The following RSU1 variants were observed in gnomAD, a reference collection of about 807,000 sequenced individuals.
RSU1 encodes the protein Ras suppressor protein 1.
In RSU1, 26 loss-of-function variants were observed where a neutral mutation model predicts 31.1. The observed-to-expected ratio is 0.84, with a 90% CI of 0.61 to 1.16. The LOEUF is 1.16. Among genes scored for constraint, RSU1 ranks in the 50% most tolerant of loss-of-function variants. The pLI is 0.00. For missense variants in RSU1, 320 were observed against 339.1 expected, an observed-to-expected ratio of 0.94 and a Z score of 0.44; for synonymous variants, 164 against 136.3, an observed-to-expected ratio of 1.20 and a Z score of -1.41.
At chr10:16,765,943 G>C (rs1269003512) in intron 3 of RSU1, among the ~76,000 whole-genome samples, 1 of 152,178 alleles carries the variant, frequency 6.6e-6, no homozygotes, top group African/African-American at 2.4e-5. Context: ...AAATATTTAA[G>C]CAGCTAGCCA....
intron 8 of RSU1, among the ~76,000 whole-genome samples, chr10:16,661,726 G>C (rs921827910): frequency 6.6e-6 from 1 of 152,154 alleles, no homozygotes; most frequent in Non-Finnish European, 1.5e-5. Context: ...TTGTGAAAGA[G>C]TTTCGTCCTC....
rs371190541 is a variant in RSU1 at position 16,691,379 on chromosome 10, G to GT, written c.731+3643dup. ...AACACAATAGCGGCATTTTTGTGCA[G>GT]TTTTTTTTTTTTTTTTAATGATTAA... On this transcript the variant is annotated intron_variant, in intron 8 of 8. Transcript: ENST00000345264. Among the ~76,000 whole-genome samples, 1,298 of 133,734 alleles carry GT rather than the reference G, an allele frequency of 9.7e-3. 8 individuals are homozygous for GT. The highest frequency in any genetic ancestry group is 0.02 in the African/African-American group (701 of 35,702). The allele number at this position is 133,734 out of a possible 152,430, so 87.7% of individuals were successfully genotyped here. A position where few individuals can be genotyped will look rare whatever the true frequency, so the allele number is the denominator to read the frequency against.
chr10:16,789,753 C>G (rs1012125376), intron 2 of RSU1, among the ~76,000 whole-genome samples: 5 of 152,214 alleles, frequency 3.3e-5, no homozygotes, highest in Admixed American at 3.3e-4. Context: ...TCTTCTAATG[C>G]TCCTGCTAAC....
At chr10:16,608,559 A>T (rs1833842056) in intron 8 of RSU1, among the ~76,000 whole-genome samples, 1 of 152,156 alleles carries the variant, frequency 6.6e-6, no homozygotes, top group Admixed American at 6.5e-5. Context: ...GTTCTCTTTG[A>T]AGTGGCAAAT....
Position 16,593,102 on chromosome 10 carries a change from T to C in RSU1, c.*292A>G, listed in dbSNP as rs1358883031. On this transcript the variant is annotated 3_prime_UTR_variant, in exon 9 of 9. Coordinates refer to ENST00000345264, the MANE Select transcript of RSU1 (RefSeq NM_012425.4). ...TTTGATAATAAGCAACCTTGTGATA[T>C]CTATTCAAGAAAAGCCAGAGCCCAC... is the stretch of plus-strand genomic sequence containing the variant. 1 of 284,312 alleles carries C rather than the reference T, an allele frequency of 3.5e-6. No individual in the cohort carries two copies. Among genetic ancestry groups the C allele is most frequent in the Non-Finnish European group, 6.5e-6 (1 of 153,936 alleles). 17.6% of individuals were successfully genotyped at this position (284,312 alleles called of 1,614,324 possible). A position where few individuals can be genotyped will look rare whatever the true frequency, so the allele number is the denominator to read the frequency against.
chr10:16,599,470 C>A (rs1188904559), intron 8 of RSU1, among the ~76,000 whole-genome samples: 1 of 152,174 alleles, frequency 6.6e-6, no homozygotes, highest in East Asian at 1.9e-4. Flanking sequence ...ACATCCTGCA[C>A]CAGGGATTCC....
intron 8 of RSU1, among the ~76,000 whole-genome samples, chr10:16,678,875 C>A (rs1202204023): frequency 6.6e-6 from 1 of 151,914 alleles, no homozygotes; most frequent in Non-Finnish European, 1.5e-5. Flanking sequence ...ATTCCACATG[C>A]CCCATGGACT....
intron 2 of RSU1, among the ~76,000 whole-genome samples, chr10:16,792,923 A>G (rs1289893339): frequency 6.6e-6 from 1 of 152,220 alleles, no homozygotes; most frequent in East Asian, 1.9e-4. Flanking sequence ...TGAGCTCTGC[A>G]TCTCCGTGAT....
rs79126863 is a variant in RSU1 at position 16,733,743 on chromosome 10, G to C, written c.598+18796C>G. Among the ~76,000 whole-genome samples the C allele has an allele frequency of 2.5e-3, 386 of 152,274 alleles. 9 individuals are homozygous for C. In the East Asian group the frequency reaches 0.053, roughly 21 times the overall value. On this transcript the variant is annotated intron_variant, in intron 7 of 8. Coordinates refer to ENST00000345264, the MANE Select transcript of RSU1 (RefSeq NM_012425.4). ...ATATACTGAACATGCAGAAATTCTA[G>C]AGTATCTATTAAAAGCTTGAATGAG...
At chr10:16,662,824 T>C (rs931749594) in intron 8 of RSU1, among the ~76,000 whole-genome samples, 2 of 152,130 alleles carry the variant, frequency 1.3e-5, no homozygotes, top group South Asian at 2.1e-4. Flanking sequence ...ATTTTAAAAG[T>C]AAAAGACAAA....
chr10:16,770,957 TAAAAAAAAA>T (rs10547207), intron 3 of RSU1, among the ~76,000 whole-genome samples: 3,805 of 120,116 alleles, frequency 0.032, 136 homozygotes, highest in East Asian at 0.084. Flanking sequence ...TATTGCTATT[TAAAAAAAAA>T]AAAAAAAAAA....
intron 8 of RSU1, among the ~76,000 whole-genome samples, chr10:16,683,160 G>GGTGTGTGTGTGTGTGTGTGT (rs4012467): frequency 0.074 from 10,560 of 143,274 alleles, 481 homozygotes; most frequent in East Asian, 0.2. Flanking sequence ...ATGGGTGTGT[G>GGTGTGTGTGTGTGTGTGTGT]GTGTGTGTGT....
intron 2 of RSU1, among the ~76,000 whole-genome samples, chr10:16,799,996 G>A (rs974112412): frequency 1.3e-5 from 2 of 152,162 alleles, no homozygotes; most frequent in African/African-American, 2.4e-5. Flanking sequence ...ACGGAATTAC[G>A]GCAGAAGTTC....
Position 16,752,944 on chromosome 10 carries a change from T to A in RSU1, c.457A>T (p.Ile153Phe). The change falls in exon 6 of 9, where the codon ATT (isoleucine) becomes TTT (phenylalanine). Residue 153 changes from isoleucine (I) to phenylalanine (F), a missense_variant. By Grantham distance (21) the Ile-to-Phe change is conservative. Transcript: ENST00000345264. The part of the protein sequence containing the change: ...DNDFEILPPD[I>F]GKLTKLQILS... ...ATCTGCAACTTTGTGAGCTTCCCAA[T>A]ATCTGGCGGCAGGATTTCAAAATCG... is the stretch of plus-strand genomic sequence containing the variant. 6.2e-7 allele frequency: 1 copy of A among 1,613,994 alleles called. No individual in the cohort carries two copies. Among genetic ancestry groups the A allele is most frequent in the Non-Finnish European group, 8.5e-7 (1 of 1,179,890 alleles).
intron 8 of RSU1, among the ~76,000 whole-genome samples, chr10:16,654,015 T>C (rs1588696553): frequency 6.6e-6 from 1 of 151,992 alleles, no homozygotes; most frequent in South Asian, 2.1e-4. Flanking sequence ...TTTTCATTTT[T>C]TTTTGAGATG....
At chr10:16,700,640 C>T (rs1266143154) in intron 7 of RSU1, among the ~76,000 whole-genome samples, 1 of 152,238 alleles carries the variant, frequency 6.6e-6, no homozygotes, top group Middle Eastern at 3.4e-3. Flanking sequence ...GACAAGTGGC[C>T]GACTCTGGAA....
chr10:16,648,265 G>A (rs753495164), intron 8 of RSU1, among the ~76,000 whole-genome samples: 3 of 151,848 alleles, frequency 2.0e-5, no homozygotes, highest in Non-Finnish European at 4.4e-5. Flanking sequence ...CACACCTAGC[G>A]TTACGTGCTT....
intron 8 of RSU1, among the ~76,000 whole-genome samples, chr10:16,634,128 C>A (rs1028673850): frequency 6.6e-6 from 1 of 152,194 alleles, no homozygotes; most frequent in Non-Finnish European, 1.5e-5. Context: ...AGTTTGGGAA[C>A]AGCTAGAAGA....
At chr10:16,754,834 A>G (rs763418811) in intron 5 of RSU1, 37 bp downstream of exon 5, 1 of 1,311,256 alleles carries the variant, frequency 7.6e-7, no homozygotes, top group Non-Finnish European at 1.1e-6. Context: ...CGCAAAGTAC[A>G]AGGTTGAGGA....
Sources: allele counts gnomAD v4.1 joint callset (sites outside exome capture counted in the v4.1 genomes callset), GRCh38; gene constraint gnomAD v4.1.1; transcripts MANE v1.5; gene names NCBI Gene and HGNC (gene_info 2026-07-23, HGNC 2026-07-21).